EXOC6B: variants seen among roughly 807,000 people sequenced by gnomAD.
The protein encoded by EXOC6B is SEC15 homolog B.
EXOC6B carries 54 observed loss-of-function variants against 113.5 expected under a neutral mutation model. The observed-to-expected ratio is 0.48, with a 90% confidence interval of 0.38 to 0.60. The LOEUF (loss-of-function observed/expected upper bound fraction) is 0.60, where lower values mean the gene tolerates loss of function less well. Ranked by LOEUF, EXOC6B falls within the 20% of genes least tolerant of loss-of-function variation. The pLI is 0.00. For synonymous variants in EXOC6B, 357 were observed against 339.0 expected, an observed-to-expected ratio of 1.05 and a Z score of -0.58; for missense variants, 797 against 977.5, an observed-to-expected ratio of 0.82 and a Z score of 2.46.
At chr2:72,462,672 C>T (rs1012354738) in intron 18 of EXOC6B, 1 of 152,078 alleles carries the variant, frequency 6.6e-6, no homozygotes, top group African/African-American at 2.4e-5. Context: ...TAATATTGGA[C>T]TTTGCAGCCT....
intron 19 of EXOC6B, among the ~76,000 whole-genome samples, chr2:72,343,321 GGAGGCT>G (rs1052147953): frequency 2.0e-5 from 3 of 152,128 alleles, no homozygotes; most frequent in Non-Finnish European, 2.9e-5. Context: ...CAGCTGCTTG[GGAGGCT>G]GAGGCACAGG....
intron 17 of EXOC6B, among the ~76,000 whole-genome samples, chr2:72,471,491 T>G (rs548974704): frequency 6.6e-5 from 10 of 152,232 alleles, no homozygotes; most frequent in Admixed American, 2.0e-4. Context: ...GTCAATTTTG[T>G]CTTTTGTTGC....
At chr2:72,687,237 A>T (rs1415956627) in intron 6 of EXOC6B, among the ~76,000 whole-genome samples, 1 of 152,152 alleles carries the variant, frequency 6.6e-6, no homozygotes, top group East Asian at 1.9e-4. Flanking sequence ...GGTAAGAAAT[A>T]ATTACTTGAA....
At chr2:72,202,276 TAAC>T (rs1289334025) in intron 20 of EXOC6B, among the ~76,000 whole-genome samples, 1 of 152,232 alleles carries the variant, frequency 6.6e-6, no homozygotes, top group Non-Finnish European at 1.5e-5. Context: ...TTATTATAGT[TAAC>T]AACACCATTA....
At chr2:72,220,887 T>A (rs1257935350) in intron 20 of EXOC6B, among the ~76,000 whole-genome samples, 7 of 152,202 alleles carry the variant, frequency 4.6e-5, no homozygotes, top group African/African-American at 1.7e-4. Flanking sequence ...GTACAGGTGA[T>A]AATTTAATAC....
chr2:72,253,972 A>T (rs1683186686), intron 20 of EXOC6B, among the ~76,000 whole-genome samples: 1 of 152,150 alleles, frequency 6.6e-6, no homozygotes, highest in African/African-American at 2.4e-5. Context: ...CATCCTGGCT[A>T]ACACGATGAG....
At chr2:72,573,332 T>C (rs1431240428) in intron 7 of EXOC6B, among the ~76,000 whole-genome samples, 2 of 152,194 alleles carry the variant, frequency 1.3e-5, no homozygotes, top group Non-Finnish European at 2.9e-5. Context: ...GTACTCAAAA[T>C]GTAGATTAAA....
At chr2:72,451,270 T>C (rs1696896991) in intron 18 of EXOC6B, among the ~76,000 whole-genome samples, 1 of 151,954 alleles carries the variant, frequency 6.6e-6, no homozygotes, top group Non-Finnish European at 1.5e-5. Flanking sequence ...TTCTTGAGAG[T>C]ATAGAGTTAG....
At chr2:72,306,287 G>A (rs1686853942) in intron 20 of EXOC6B, among the ~76,000 whole-genome samples, 1 of 152,118 alleles carries the variant, frequency 6.6e-6, no homozygotes, top group Non-Finnish European at 1.5e-5. Flanking sequence ...AGAGAGTTAG[G>A]TGACTTTACC....
intron 6 of EXOC6B, among the ~76,000 whole-genome samples, chr2:72,659,088 A>G (rs1674819570): frequency 6.6e-6 from 1 of 152,114 alleles, no homozygotes; most frequent in Non-Finnish European, 1.5e-5. Context: ...CAGTATCTCA[A>G]ATTATTTTTG....
chr2:72,407,517 C>T (rs9677959), intron 18 of EXOC6B, among the ~76,000 whole-genome samples: 30,482 of 152,062 alleles, frequency 0.2, 5,645 homozygotes, highest in African/African-American at 0.49. Context: ...TTATACACCA[C>T]GATCAAGTGG....
intron 8 of EXOC6B, among the ~76,000 whole-genome samples, chr2:72,543,654 T>TA (rs1375502303): frequency 6.6e-6 from 1 of 152,220 alleles, no homozygotes; most frequent in African/African-American, 2.4e-5. Flanking sequence ...AGATCACAGC[T>TA]ACTACAAACC....
At chr2:72,207,637 C>T (rs1455958976) in intron 20 of EXOC6B, among the ~76,000 whole-genome samples, 1 of 152,162 alleles carries the variant, frequency 6.6e-6, no homozygotes, top group East Asian at 1.9e-4. Flanking sequence ...CATCAATAAA[C>T]TGCTTTCCAG....
chr2:72,818,943 C>T (rs1686431415), intron 1 of EXOC6B, among the ~76,000 whole-genome samples: 1 of 152,158 alleles, frequency 6.6e-6, no homozygotes, highest in Admixed American at 6.5e-5. Context: ...CATTATGTAA[C>T]ATTAATCGCT....
intron 1 of EXOC6B, among the ~76,000 whole-genome samples, chr2:72,747,455 A>C (rs895409090): frequency 6.6e-6 from 1 of 152,046 alleles, no homozygotes; most frequent in African/African-American, 2.4e-5. Flanking sequence ...TGCCCAAAAA[A>C]TCTTAGAATG....
rs1022770168 is a variant in EXOC6B, at chr2:72,785,962, A to G, written c.113+39836T>C. Among the ~76,000 whole-genome samples the G allele has an allele frequency of 1.6e-4, 24 of 152,292 alleles. No individual in the cohort carries two copies. The East Asian group carries it at 4.6e-3, about 29-fold the overall frequency. On this transcript the variant is annotated intron_variant, in intron 1 of 21. Coordinates refer to ENST00000272427, the MANE Select transcript of EXOC6B (RefSeq NM_015189.3). ...TGCCAGGCTGGGTGTGGTGGCTCACACCTGTAATCCCAGCTCTTTGGGGAG... is the reference window on the plus strand; with the variant it reads ...TGCCAGGCTGGGTGTGGTGGCTCACGCCTGTAATCCCAGCTCTTTGGGGAG...
intron 1 of EXOC6B, among the ~76,000 whole-genome samples, chr2:72,792,356 G>A (rs923914355): frequency 6.6e-6 from 1 of 152,160 alleles, no homozygotes; most frequent in African/African-American, 2.4e-5. Flanking sequence ...TATCCTAACT[G>A]AATCTAGTTT....
intron 20 of EXOC6B, among the ~76,000 whole-genome samples, chr2:72,260,149 T>C (rs1292301459): frequency 6.6e-6 from 1 of 152,186 alleles, no homozygotes; most frequent in Non-Finnish European, 1.5e-5. Flanking sequence ...TTCATGTTTA[T>C]ATATAATAAG....
chr2:72,432,697 T>C (rs1695613157), intron 18 of EXOC6B, among the ~76,000 whole-genome samples: 2 of 152,218 alleles, frequency 1.3e-5, no homozygotes. Context: ...CCTTTTTTCA[T>C]GTTTCTTGGA....
Sources: allele counts gnomAD v4.1 joint callset (sites outside exome capture counted in the v4.1 genomes callset), GRCh38; gene constraint gnomAD v4.1.1; transcripts MANE v1.5; gene names NCBI Gene and HGNC (gene_info 2026-07-23, HGNC 2026-07-21).